SAXO1: variants seen among roughly 807,000 people sequenced by gnomAD.
SAXO1 encodes 4930500O09Rik.
Under a neutral mutation model 17.5 loss-of-function variants are expected in SAXO1, and 21 were observed. The observed-to-expected ratio is 1.20, with a 90% CI of 0.85 to 1.72. The LOEUF (loss-of-function observed/expected upper bound fraction) is 1.72, where lower values mean the gene tolerates loss of function less well. SAXO1 is among the 40% of genes most tolerant of loss of function. SAXO1 has a pLI of 0.00. For missense variants in SAXO1, 843 were observed against 596.0 expected (o/e 1.41, Z -4.32); for synonymous variants, 274 against 216.5 (o/e 1.27, Z -2.33).
intron 1 of SAXO1, among the ~76,000 whole-genome samples, chr9:18,992,104 G>C (rs1833837172): frequency 6.6e-6 from 1 of 152,152 alleles, no homozygotes; most frequent in South Asian, 2.1e-4. Context: ...CTATAGATAA[G>C]GGAAATCAGG....
intron 1 of SAXO1, among the ~76,000 whole-genome samples, chr9:19,026,724 G>A (rs1299074510): frequency 6.6e-6 from 1 of 152,166 alleles, no homozygotes; most frequent in African/African-American, 2.4e-5. Flanking sequence ...AAAGATGGAA[G>A]GTGGTTTAAT....
intron 1 of SAXO1, among the ~76,000 whole-genome samples, chr9:18,965,068 G>A (rs1202936990): frequency 6.6e-6 from 1 of 152,196 alleles, no homozygotes; most frequent in Non-Finnish European, 1.5e-5. Flanking sequence ...GTGCAGTTTT[G>A]AGTGAGTTTC....
intron 1 of SAXO1, among the ~76,000 whole-genome samples, chr9:18,981,807 C>T (rs1248645866): frequency 6.6e-6 from 1 of 152,208 alleles, no homozygotes; most frequent in African/African-American, 2.4e-5. Context: ...AACAGAGGGG[C>T]TCAGCAACTT....
chr9:18,984,516 G>A (rs1419801777), intron 1 of SAXO1, among the ~76,000 whole-genome samples: 2 of 152,228 alleles, frequency 1.3e-5, no homozygotes, highest in African/African-American at 4.8e-5. Flanking sequence ...TTCTACATCA[G>A]CACTTCCTGC....
intron 3 of SAXO1, among the ~76,000 whole-genome samples, chr9:18,937,889 C>T (rs1249764058): frequency 6.6e-6 from 1 of 152,100 alleles, no homozygotes; most frequent in Admixed American, 6.5e-5. Flanking sequence ...CACAAATGAA[C>T]TAAGAAAGTA....
rs542028911 is a variant in SAXO1 at position 18,940,419 on chromosome 9, C to T, written c.421+1218G>A. Among the ~76,000 whole-genome samples the T allele has an allele frequency of 5.9e-5, 9 of 152,330 alleles. No homozygotes were observed. The South Asian group carries it at 8.3e-4, about 14-fold the overall frequency. On this transcript the variant is annotated intron_variant, in intron 3 of 3. Transcript: ENST00000380534. ...GAGCCCAGGTTGCTGAAGAGGCCCA[C>T]GCCAATCCAGTCTTCAGTTCCTGGA...
intron 1 of SAXO1, among the ~76,000 whole-genome samples, chr9:19,010,560 G>C (rs16937266): frequency 0.073 from 11,077 of 151,988 alleles, 507 homozygotes; most frequent in African/African-American, 0.12. Context: ...ACCCGAAACA[G>C]TGAAGTTGTC....
In SAXO1 at chr9:18,990,142, T is replaced by C. The variant is rs560513584; in HGVS notation, c.39-39205A>G. Reference sequence around the variant, plus strand: ...CATTTGATTTCGGTGCTGCCTACCCTGCGCACACCAAGCAGGAGTCATGGA... The same window carrying C: ...CATTTGATTTCGGTGCTGCCTACCCCGCGCACACCAAGCAGGAGTCATGGA... On this transcript the variant is annotated intron_variant, in intron 1 of 3. Coordinates refer to ENST00000380534, the MANE Select transcript of SAXO1 (RefSeq NM_153707.4). Among the ~76,000 whole-genome samples the C allele has an allele frequency of 1.8e-4, 27 of 150,064 alleles. No individual in the cohort carries two copies. The South Asian group carries it at 5.6e-3, about 31-fold the overall frequency.
At chr9:18,948,399 G>T (rs752951554) in intron 2 of SAXO1, among the ~76,000 whole-genome samples, 2 of 152,134 alleles carry the variant, frequency 1.3e-5, no homozygotes, top group African/African-American at 2.4e-5. Context: ...CCTTGATCCT[G>T]CCACTTTTTC....
At chr9:18,929,084 T>C (rs772955371) in intron 3 of SAXO1, 29 bp from the exon 4 acceptor site, 11 of 1,605,464 alleles carry the variant, frequency 6.9e-6, no homozygotes, top group Non-Finnish European at 8.5e-6. Context: ...AGGTAATTAA[T>C]AATAAATCAA....
intron 1 of SAXO1, among the ~76,000 whole-genome samples, chr9:18,974,114 G>A (rs1833047144): frequency 1.3e-5 from 2 of 152,138 alleles, no homozygotes; most frequent in South Asian, 2.1e-4. Flanking sequence ...AGGTACAATG[G>A]GGCAGGAGAG....
chr9:18,998,947 T>C (rs1834129293), intron 1 of SAXO1, among the ~76,000 whole-genome samples: 1 of 152,184 alleles, frequency 6.6e-6, no homozygotes, highest in Admixed American at 6.5e-5. Flanking sequence ...CAAGAGCTCC[T>C]GAAGGAAGCA....
At chr9:18,962,898 G>A (rs1381158306) in intron 1 of SAXO1, among the ~76,000 whole-genome samples, 1 of 152,136 alleles carries the variant, frequency 6.6e-6, no homozygotes, top group Non-Finnish European at 1.5e-5. Context: ...AATGGTATTA[G>A]CTAGCTTTTT....
At chr9:19,044,720 G>A (rs1836164763) in intron 1 of SAXO1, among the ~76,000 whole-genome samples, 1 of 151,912 alleles carries the variant, frequency 6.6e-6, no homozygotes, top group African/African-American at 2.4e-5. Flanking sequence ...AAAATTAGCT[G>A]GGTGTGGTGG....
chr9:19,036,658 G>A (rs187968901), upstream of SAXO1, among the ~76,000 whole-genome samples: 2 of 152,200 alleles, frequency 1.3e-5, no homozygotes, highest in Non-Finnish European at 2.9e-5. Flanking sequence ...AAGAATTGAG[G>A]TTTGGGAATC....
At chr9:18,969,259 C>T (rs768225209) in intron 1 of SAXO1, among the ~76,000 whole-genome samples, 12 of 152,174 alleles carry the variant, frequency 7.9e-5, no homozygotes, top group African/African-American at 1.7e-4. Context: ...TCCCTTCTCA[C>T]ACTCTGAAGT....
intron 1 of SAXO1, among the ~76,000 whole-genome samples, chr9:19,021,982 G>A (rs1437614376): frequency 1.3e-5 from 2 of 152,216 alleles, no homozygotes; most frequent in South Asian, 4.1e-4. Flanking sequence ...AGTGGCAACT[G>A]GGTCGGGTCC....
chr9:19,007,584 C>G (rs139558432), intron 1 of SAXO1, among the ~76,000 whole-genome samples: 12 of 152,296 alleles, frequency 7.9e-5, no homozygotes, highest in African/African-American at 2.9e-4. Context: ...TAACCAACTT[C>G]TGTTTAGAAC....
At chr9:19,019,261 G>A (rs1184292678) in intron 1 of SAXO1, among the ~76,000 whole-genome samples, 2 of 151,996 alleles carry the variant, frequency 1.3e-5, no homozygotes, top group African/African-American at 4.8e-5. Flanking sequence ...GCTCTTCTTT[G>A]CTGAGACATT....
Sources: gnomAD v4.1 joint callset for allele counts (sites outside exome capture counted in the v4.1 genomes callset) on GRCh38, gnomAD v4.1.1 for gene constraint, MANE v1.5 for transcripts, NCBI Gene and HGNC (gene_info 2026-07-23, HGNC 2026-07-21) for gene names.